STK39: variants seen among roughly 807,000 people sequenced by gnomAD.
STK39 encodes the protein serine/threonine kinase 39, also known as STE20/SPS1-related proline-alanine-rich protein kinase.
Under a neutral mutation model 77.8 loss-of-function variants are expected in STK39, and 20 were observed. The ratio of observed to expected loss-of-function variants is 0.26; its 90% CI spans 0.18 to 0.37. The LOEUF (loss-of-function observed/expected upper bound fraction) is 0.37, where lower values mean the gene tolerates loss of function less well. Ranked by LOEUF, STK39 falls within the 10% of genes least tolerant of loss-of-function variation. The probability of loss-of-function intolerance (pLI) is 1.00; values close to 1 mark genes in which losing one functional copy is unlikely to be tolerated. For missense variants in STK39, 479 were observed against 656.5 expected (o/e 0.73, Z 2.95); for synonymous variants, 246 against 234.1 (o/e 1.05, Z -0.47).
intron 1 of STK39, among the ~76,000 whole-genome samples, chr2:168,192,604 T>C (rs1344376011): frequency 1.3e-5 from 2 of 152,234 alleles, no homozygotes; most frequent in African/African-American, 2.4e-5. Context: ...CTATGTGACC[T>C]TGGGCAAGCT....
At chr2:168,079,985 G>A (rs930333190) in intron 10 of STK39, among the ~76,000 whole-genome samples, 1 of 152,142 alleles carries the variant, frequency 6.6e-6, no homozygotes, top group Admixed American at 6.5e-5. Flanking sequence ...GTAAGAGCAG[G>A]AGTCAGATCC....
At chr2:167,989,957 G>A (rs1391781659) in intron 16 of STK39, among the ~76,000 whole-genome samples, 1 of 152,014 alleles carries the variant, frequency 6.6e-6, no homozygotes, top group Non-Finnish European at 1.5e-5. Flanking sequence ...TTTCCAGTTG[G>A]CATCAGAAGA....
chr2:168,215,706 G>A (rs1283096550), intron 1 of STK39, among the ~76,000 whole-genome samples: 3 of 152,176 alleles, frequency 2.0e-5, no homozygotes, highest in Non-Finnish European at 2.9e-5. Flanking sequence ...CAAATCTGAC[G>A]TGTAAAGGAA....
At chr2:168,204,904 C>G (rs1175129584) in intron 1 of STK39, among the ~76,000 whole-genome samples, 1 of 152,190 alleles carries the variant, frequency 6.6e-6, no homozygotes. Context: ...AGTTGTATAT[C>G]CTCAGAGAAT....
intron 5 of STK39, among the ~76,000 whole-genome samples, chr2:168,160,541 T>A (rs931346552): frequency 2.0e-5 from 3 of 151,946 alleles, no homozygotes; most frequent in Non-Finnish European, 4.4e-5. Context: ...CTATTATGTG[T>A]TGGCCACTGT....
intron 14 of STK39, among the ~76,000 whole-genome samples, chr2:168,025,695 A>AAC (rs1684678892): frequency 1.3e-5 from 2 of 152,220 alleles, no homozygotes; most frequent in South Asian, 4.1e-4. Context: ...TGTTGTACTT[A>AAC]ATGAGACATG....
chr2:168,184,114 G>A (rs1042000528), intron 1 of STK39, among the ~76,000 whole-genome samples: 4 of 152,104 alleles, frequency 2.6e-5, no homozygotes, highest in African/African-American at 4.8e-5. Context: ...TCAAAAACAG[G>A]AAAGAATAAA....
rs535541183 is a variant in STK39, at chr2:168,046,324, C to T, written c.1376+17176G>A. Among the ~76,000 whole-genome samples, 6 of 152,320 alleles carry T rather than the reference C, an allele frequency of 3.9e-5. No homozygotes were observed. The East Asian group carries it at 7.7e-4, about 20-fold the overall frequency. On this transcript the variant is annotated intron_variant, in intron 14 of 17. Coordinates refer to ENST00000355999, the MANE Select transcript of STK39 (RefSeq NM_013233.3). ...GAGGTTGCAGTAAGCCAAGATCGTG[C>T]CACTGCACTCCAGCCTGGCAACAGA...
At chr2:168,149,472 A>G (rs1488454543) in intron 5 of STK39, among the ~76,000 whole-genome samples, 1 of 152,220 alleles carries the variant, frequency 6.6e-6, no homozygotes, top group African/African-American at 2.4e-5. Context: ...CTATGAAACC[A>G]AATGCCCAGA....
intron 10 of STK39, among the ~76,000 whole-genome samples, chr2:168,083,381 T>A (rs1559088873): frequency 1.3e-5 from 2 of 152,214 alleles, no homozygotes; most frequent in African/African-American, 4.8e-5. Flanking sequence ...AGACATTTTT[T>A]AAAAATCACT....
intron 10 of STK39, among the ~76,000 whole-genome samples, chr2:168,089,160 AT>A (rs1463042694): frequency 1.3e-5 from 2 of 152,140 alleles, no homozygotes; most frequent in African/African-American, 4.8e-5. Context: ...TTTGTGCCTG[AT>A]TTTTCCCTCC....
intron 14 of STK39, among the ~76,000 whole-genome samples, chr2:168,045,284 C>T (rs1271528941): frequency 1.3e-5 from 2 of 152,162 alleles, no homozygotes; most frequent in African/African-American, 2.4e-5. Context: ...CTGCAGAGCA[C>T]AGCTAGAAGC....
intron 14 of STK39, among the ~76,000 whole-genome samples, chr2:168,050,494 C>G (rs1311545877): frequency 6.6e-6 from 1 of 152,150 alleles, no homozygotes; most frequent in African/African-American, 2.4e-5. Context: ...GTGAGACCAT[C>G]CTAATCACAA....
At chr2:168,108,380 T>C (rs1349869527) in intron 10 of STK39, among the ~76,000 whole-genome samples, 3 of 151,900 alleles carry the variant, frequency 2.0e-5, no homozygotes, top group Non-Finnish European at 4.4e-5. Context: ...AAACCCTGTT[T>C]CTACAAAAAA....
At chr2:168,097,346 A>G (rs10930306) in intron 10 of STK39, among the ~76,000 whole-genome samples, 61,777 of 152,044 alleles carry the variant, frequency 0.41, 12,955 homozygotes, top group East Asian at 0.53. Flanking sequence ...TTTAGGTTCT[A>G]CAGGGGAGGA....
intron 14 of STK39, among the ~76,000 whole-genome samples, chr2:168,055,821 A>T (rs2105373055): frequency 6.6e-6 from 1 of 152,350 alleles, no homozygotes; most frequent in South Asian, 2.1e-4. Context: ...CTAATGGAAA[A>T]ATATTTGTAT....
chr2:168,085,284 A>G (rs928547281), intron 10 of STK39, among the ~76,000 whole-genome samples: 2 of 152,224 alleles, frequency 1.3e-5, no homozygotes, highest in South Asian at 4.1e-4. Context: ...GGGAGCCAAG[A>G]GCCTTAGAAA....
intron 14 of STK39, among the ~76,000 whole-genome samples, chr2:168,057,937 T>A (rs1685568578): frequency 6.6e-6 from 1 of 152,162 alleles, no homozygotes; most frequent in African/African-American, 2.4e-5. Flanking sequence ...TCTGAGAACA[T>A]CAGTCTGGCA....
At chr2:168,195,238 A>T (rs1689438701) in intron 1 of STK39, among the ~76,000 whole-genome samples, 1 of 152,146 alleles carries the variant, frequency 6.6e-6, no homozygotes, top group African/African-American at 2.4e-5. Context: ...CCCTACAAAA[A>T]TTTTTTTAAA....
Sources: allele counts gnomAD v4.1 joint callset (sites outside exome capture counted in the v4.1 genomes callset), GRCh38; gene constraint gnomAD v4.1.1; transcripts MANE v1.5; gene names NCBI Gene and HGNC (gene_info 2026-07-23, HGNC 2026-07-21).